The following RARB variants were observed in gnomAD, a reference collection of about 807,000 sequenced individuals.
RARB encodes retinoic acid receptor beta.
In RARB, 17 loss-of-function variants were observed where a neutral mutation model predicts 51.9. That is an observed-to-expected ratio of 0.33 (90% CI 0.22 to 0.49). The LOEUF (loss-of-function observed/expected upper bound fraction) is 0.49. Among genes scored for constraint, RARB ranks in the 20% least tolerant of loss-of-function variants. The pLI is 0.99. For synonymous variants in RARB, 215 were observed against 195.4 expected, an observed-to-expected ratio of 1.10 and a Z score of -0.84; for missense variants, 369 against 550.8, an observed-to-expected ratio of 0.67 and a Z score of 3.30.
intron 5 of RARB, among the ~76,000 whole-genome samples, chr3:25,244,286 T>TC (rs1028982630): frequency 6.6e-6 from 1 of 151,646 alleles, no homozygotes; most frequent in African/African-American, 2.4e-5. Flanking sequence ...TTTTTTTTTT[T>TC]TGAAGAGTTT....
rs866896867 is a variant in RARB at position 25,108,159 on chromosome 3, C to T, written c.-327-24002C>T. Among the ~76,000 whole-genome samples the T allele has an allele frequency of 2.0e-5, 3 of 152,136 alleles. No individual in the cohort carries two copies. The South Asian group carries it at 6.2e-4, about 32-fold the overall frequency. The stretch of plus-strand genomic sequence containing the variant: ...CAAGATGGCACAAGATTTCCACATA[C>T]TACTCAGTCCACAACTGAAAATTAT... On this transcript the variant is annotated intron_variant, in intron 3 of 11. Coordinates refer to the RARB transcript ENST00000383772.
intron 2 of RARB, among the ~76,000 whole-genome samples, chr3:24,899,597 G>A (rs908306961): frequency 2.6e-5 from 4 of 152,126 alleles, no homozygotes; most frequent in Non-Finnish European, 5.9e-5. Flanking sequence ...GCCAACAGCT[G>A]TGGCCAAGGA....
intron 5 of RARB, among the ~76,000 whole-genome samples, chr3:25,197,239 T>C (rs918064174): frequency 1.6e-4 from 24 of 152,162 alleles, no homozygotes; most frequent in African/African-American, 3.9e-4. Flanking sequence ...AATTAATTTG[T>C]GTATAAGGTG....
At chr3:25,437,182 C>T (rs1310451746) in intron 1 of RARB, among the ~76,000 whole-genome samples, 2 of 148,004 alleles carry the variant, frequency 1.4e-5, no homozygotes, top group Non-Finnish European at 3.0e-5. Context: ...AATGATCCCT[C>T]GGTCTATAGC....
At chr3:25,377,448 TAGGTCA>T (rs1706500388) in intron 5 of RARB, among the ~76,000 whole-genome samples, 1 of 152,226 alleles carries the variant, frequency 6.6e-6, no homozygotes, top group Non-Finnish European at 1.5e-5. Context: ...TGGCACTGTG[TAGGTCA>T]GATACTTCTT....
At chr3:25,160,082 G>A (rs1048026934) in intron 4 of RARB, among the ~76,000 whole-genome samples, 18 of 152,104 alleles carry the variant, frequency 1.2e-4, no homozygotes, top group African/African-American at 4.3e-4. Flanking sequence ...CTCACACACT[G>A]GTGCAAGAAC....
chr3:25,025,020 C>T (rs1303617238), intron 2 of RARB: 1 of 150,836 alleles, frequency 6.6e-6, no homozygotes, highest in Non-Finnish European at 1.5e-5. Context: ...GGCCATACCA[C>T]CCTGAACACT....
intron 2 of RARB, among the ~76,000 whole-genome samples, chr3:24,893,329 T>G (rs1461875704): frequency 6.6e-6 from 1 of 152,184 alleles, no homozygotes; most frequent in Non-Finnish European, 1.5e-5. Flanking sequence ...ATCTCAAAAT[T>G]GAGGAATAAA....
At chr3:25,542,859 G>A (rs1471011814) in intron 3 of RARB, among the ~76,000 whole-genome samples, 1 of 152,210 alleles carries the variant, frequency 6.6e-6, no homozygotes, top group Non-Finnish European at 1.5e-5. Context: ...ACTCTGTGAA[G>A]TGTTTAGTAT....
chr3:25,304,351 G>C (rs554287120), intron 5 of RARB, among the ~76,000 whole-genome samples: 235 of 152,208 alleles, frequency 1.5e-3, no homozygotes, highest in African/African-American at 5.5e-3. Flanking sequence ...AGAATGCCCT[G>C]TAAGATCCCC....
chr3:25,302,687 T>C (rs755549962), intron 5 of RARB, among the ~76,000 whole-genome samples: 3 of 152,240 alleles, frequency 2.0e-5, no homozygotes, highest in African/African-American at 7.2e-5. Context: ...AGTGGTGATA[T>C]TTGCCCACCT....
At chr3:25,029,701 T>A (rs576364414) in intron 2 of RARB, among the ~76,000 whole-genome samples, 2 of 152,250 alleles carry the variant, frequency 1.3e-5, no homozygotes, top group South Asian at 4.1e-4. Flanking sequence ...AGGTAATCCT[T>A]TGAGAGGTGT....
intron 3 of RARB, among the ~76,000 whole-genome samples, chr3:25,066,311 C>T (rs780103283): frequency 1.3e-5 from 2 of 152,138 alleles, no homozygotes; most frequent in Non-Finnish European, 2.9e-5. Context: ...TGGTACTCAT[C>T]AGGAAAGATT....
intron 1 of RARB, among the ~76,000 whole-genome samples, chr3:24,844,652 G>C (rs1173871377): frequency 6.6e-6 from 1 of 152,072 alleles, no homozygotes; most frequent in Non-Finnish European, 1.5e-5. Flanking sequence ...CATGACCTTG[G>C]GCAAATCAAA....
At chr3:25,050,833 G>A (rs1210346869) in intron 2 of RARB, among the ~76,000 whole-genome samples, 2 of 152,104 alleles carry the variant, frequency 1.3e-5, no homozygotes, top group South Asian at 2.1e-4. Flanking sequence ...ATATGAAAAT[G>A]CCATATACTA....
At chr3:25,436,810 A>C (rs891870140) in intron 1 of RARB, among the ~76,000 whole-genome samples, 1 of 152,200 alleles carries the variant, frequency 6.6e-6, no homozygotes. Context: ...TCCCTTTCCA[A>C]GAGTTTTACT....
chr3:25,262,012 A>C (rs945266055), intron 5 of RARB, among the ~76,000 whole-genome samples: 1 of 152,010 alleles, frequency 6.6e-6, no homozygotes, highest in Non-Finnish European at 1.5e-5. Flanking sequence ...TAAACCTGAC[A>C]CTGTTACTCT....
At chr3:25,426,833 C>T (rs1286536291), upstream of RARB, among the ~76,000 whole-genome samples, 5 of 152,168 alleles carry the variant, frequency 3.3e-5, no homozygotes, top group Admixed American at 6.5e-5. Flanking sequence ...GCTCTCCATC[C>T]GGCTGGGTTT....
intron 3 of RARB, among the ~76,000 whole-genome samples, chr3:25,512,111 G>T (rs995302570): frequency 6.6e-6 from 1 of 152,118 alleles, no homozygotes; most frequent in African/African-American, 2.4e-5. Context: ...ATTGTGAGAA[G>T]GAAATGAATT....
Sources: allele counts gnomAD v4.1 joint callset (sites outside exome capture counted in the v4.1 genomes callset), GRCh38; gene constraint gnomAD v4.1.1; transcripts MANE v1.5; gene names NCBI Gene and HGNC (gene_info 2026-07-23, HGNC 2026-07-21).